GRID2: variants seen among roughly 807,000 people sequenced by gnomAD.
The protein encoded by GRID2 is glutamate ionotropic receptor delta type subunit 2.
Under a neutral mutation model 114.8 loss-of-function variants are expected in GRID2, and 33 were observed. The ratio of observed to expected loss-of-function variants is 0.29; its 90% CI spans 0.22 to 0.38. The LOEUF is 0.38. Ranked by LOEUF, GRID2 falls within the 10% of genes least tolerant of loss-of-function variation. GRID2 has a pLI of 1.00. For synonymous variants in GRID2, 505 were observed against 449.9 expected (o/e 1.12, Z -1.55); for missense variants, 1,184 against 1,257.7 (o/e 0.94, Z 0.89).
chr4:92,577,950 C>A (rs1269233806), intron 1 of GRID2, among the ~76,000 whole-genome samples: 3 of 152,132 alleles, frequency 2.0e-5, no homozygotes, highest in African/African-American at 7.2e-5. Context: ...GCCTCAAAGT[C>A]TCAGTGAGAA....
At chr4:92,799,332 G>T (rs1286844061) in intron 2 of GRID2, among the ~76,000 whole-genome samples, 1 of 151,920 alleles carries the variant, frequency 6.6e-6, no homozygotes, top group Non-Finnish European at 1.5e-5. Flanking sequence ...GAGCCCAGGC[G>T]ATAATACTGG....
intron 9 of GRID2, among the ~76,000 whole-genome samples, chr4:93,399,286 A>G (rs985010121): frequency 3.6e-4 from 55 of 152,064 alleles, no homozygotes; most frequent in African/African-American, 1.3e-3. Flanking sequence ...GAAATTTTAT[A>G]TTATCAATTA....
At chr4:93,778,136 A>G (rs143947099), downstream of GRID2, among the ~76,000 whole-genome samples, 810 of 152,328 alleles carry the variant, frequency 5.3e-3, 6 homozygotes, top group African/African-American at 0.018. Flanking sequence ...CAAAAATTCA[A>G]GTTATCTAAA....
chr4:92,936,353 C>A lies in GRID2; in HGVS notation c.245-148642C>A, dbSNP rs932369976. Among the ~76,000 whole-genome samples, 3 of 146,226 alleles carry A rather than the reference C, an allele frequency of 2.1e-5. 1 individual carries two copies. Among genetic ancestry groups the A allele is most frequent in the Non-Finnish European group, 4.5e-5 (3 of 66,156 alleles). ...TTACACTAAGGCATTATCTGAGATTCGTTTGTAAATATAAATCACGCCATT... is the reference window on the plus strand; with the variant it reads ...TTACACTAAGGCATTATCTGAGATTAGTTTGTAAATATAAATCACGCCATT... On this transcript the variant is annotated intron_variant, in intron 2 of 15. Coordinates refer to ENST00000282020, the MANE Select transcript of GRID2 (RefSeq NM_001510.4).
rs201480396 is a variant in GRID2, at chr4:92,658,793, G to GTATATATA, written c.244+68526_244+68533dup. Reference sequence around the variant, plus strand: ...TGTTTGCATGTATGTGTGTGTGTGTGTATATATATATATATATATATATAT... The same window carrying GTATATATA: ...TGTTTGCATGTATGTGTGTGTGTGTGTATATATATATATATATATATATATATATATAT... On this transcript the variant is annotated intron_variant, in intron 2 of 15. Transcript: ENST00000282020. 1.1e-3 allele frequency among the ~76,000 whole-genome samples: 146 copies of GTATATATA among 132,372 alleles called. 2 individuals carry two copies. Among genetic ancestry groups the GTATATATA allele is most frequent in the Non-Finnish European group, 2.0e-3 (126 of 61,632 alleles). The allele number at this position is 132,372 out of a possible 152,430, so 86.8% of individuals were successfully genotyped here.
intron 8 of GRID2, among the ~76,000 whole-genome samples, chr4:93,371,992 A>G (rs1579858434): frequency 6.6e-6 from 1 of 151,858 alleles, no homozygotes; most frequent in East Asian, 1.9e-4. Flanking sequence ...ATGATCTGCC[A>G]GCCTCGGCCT....
At position 92,433,138 on chromosome 4, in the gene GRID2, T is replaced by C. The variant is rs200106086; in HGVS notation, c.88+128394T>C. On this transcript the variant is annotated intron_variant, in intron 1 of 15. Coordinates refer to ENST00000282020, the MANE Select transcript of GRID2 (RefSeq NM_001510.4). ...ATCCAAGTTCCAAGACGAAATCCTGTTTACTCTCCCCTATCCTCTCTTCAA... is the reference window on the plus strand; with the variant it reads ...ATCCAAGTTCCAAGACGAAATCCTGCTTACTCTCCCCTATCCTCTCTTCAA... 4.6e-5 allele frequency among the ~76,000 whole-genome samples: 7 copies of C among 152,026 alleles called. No individual in the cohort carries two copies. The East Asian group carries it at 1.2e-3, about 25-fold the overall frequency.
At chr4:93,809,072 C>G (rs1735085471) in exon 2 of GRID2, 1 of 152,236 alleles carries the variant, frequency 6.6e-6, no homozygotes, top group Non-Finnish European at 1.5e-5. Context: ...CCCTGTCTGT[C>G]TAACAGACCT....
chr4:92,675,895 G>C (rs1733332981), intron 2 of GRID2, among the ~76,000 whole-genome samples: 1 of 151,692 alleles, frequency 6.6e-6, no homozygotes, highest in African/African-American at 2.4e-5. Flanking sequence ...AGCGTCCCCA[G>C]GTAGAAAGCC....
At position 93,010,024 on chromosome 4, in the gene GRID2, T is replaced by C. The variant is rs559746579; in HGVS notation, c.245-74971T>C. The stretch of plus-strand genomic sequence containing the variant: ...AAGATATTAGTAGGAAGTATCAAGG[T>C]CCTGTCAACTAACCTTTATTCTACA... On this transcript the variant is annotated intron_variant, in intron 2 of 15. Coordinates refer to ENST00000282020, the MANE Select transcript of GRID2 (RefSeq NM_001510.4). 1.4e-3 allele frequency among the ~76,000 whole-genome samples: 209 copies of C among 152,198 alleles called. 1 individual carries two copies. The highest frequency in any genetic ancestry group is 4.8e-3 in the African/African-American group (201 of 41,548).
chr4:92,365,045 G>A (rs1277370094), intron 1 of GRID2, among the ~76,000 whole-genome samples: 1 of 152,000 alleles, frequency 6.6e-6, no homozygotes, highest in African/African-American at 2.4e-5. Flanking sequence ...TTGTTGGTGG[G>A]AAAGTAAATT....
intron 13 of GRID2, among the ~76,000 whole-genome samples, chr4:93,593,770 C>G (rs151116383): frequency 0.035 from 5,334 of 152,140 alleles, 101 homozygotes; most frequent in African/African-American, 0.051. Context: ...ATTGTTTTTT[C>G]TCTAAACTTT....
intron 1 of GRID2, among the ~76,000 whole-genome samples, chr4:92,429,542 T>C (rs1732334935): frequency 6.6e-6 from 1 of 152,204 alleles, no homozygotes; most frequent in South Asian, 2.1e-4. Context: ...CTATTGTGAA[T>C]AGTGTTACAA....
At chr4:92,713,273 A>G (rs1353075230) in intron 2 of GRID2, among the ~76,000 whole-genome samples, 1 of 151,350 alleles carries the variant, frequency 6.6e-6, no homozygotes, top group East Asian at 1.9e-4. Flanking sequence ...TTTAACACAT[A>G]AAATGACAAA....
At chr4:93,443,106 G>A (rs1303911952) in intron 10 of GRID2, among the ~76,000 whole-genome samples, 2 of 151,860 alleles carry the variant, frequency 1.3e-5, no homozygotes, top group Non-Finnish European at 2.9e-5. Flanking sequence ...TATTTCAATG[G>A]CCCTTTAACT....
intron 2 of GRID2, among the ~76,000 whole-genome samples, chr4:92,887,535 C>T (rs1238144318): frequency 1.6e-5 from 1 of 61,104 alleles, no homozygotes; most frequent in Non-Finnish European, 3.0e-5. Flanking sequence ...AAAATGTCTT[C>T]TCCCTAGTTA....
At chr4:92,839,172 A>G (rs1225947928) in intron 2 of GRID2, among the ~76,000 whole-genome samples, 1 of 151,942 alleles carries the variant, frequency 6.6e-6, no homozygotes, top group Non-Finnish European at 1.5e-5. Flanking sequence ...AATCATTTTA[A>G]TGAGGTATCT....
chr4:92,624,417 A>G (rs1346315190), intron 2 of GRID2, among the ~76,000 whole-genome samples: 1 of 151,860 alleles, frequency 6.6e-6, no homozygotes. Flanking sequence ...ACAAAATAGT[A>G]TAAGATTCTG....
At chr4:92,339,160 A>G (rs1314605652) in intron 1 of GRID2, among the ~76,000 whole-genome samples, 1 of 152,164 alleles carries the variant, frequency 6.6e-6, no homozygotes, top group East Asian at 1.9e-4. Context: ...GTATCAAAAA[A>G]TAAAGTATAT....
Sources: gnomAD v4.1 joint callset for allele counts (sites outside exome capture counted in the v4.1 genomes callset) on GRCh38, gnomAD v4.1.1 for gene constraint, MANE v1.5 for transcripts, NCBI Gene and HGNC (gene_info 2026-07-23, HGNC 2026-07-21) for gene names.